The following DPYSL2 variants were observed in gnomAD, a reference collection of about 807,000 sequenced individuals.
DPYSL2 encodes the protein dihydropyrimidinase like 2.
In DPYSL2, 13 loss-of-function variants were observed where a neutral mutation model predicts 69.9. The observed-to-expected ratio is 0.19, with a 90% CI of 0.12 to 0.30. The LOEUF is 0.30. Among genes scored for constraint, DPYSL2 ranks in the 10% least tolerant of loss-of-function variants. The probability of loss-of-function intolerance (pLI) is 1.00; values close to 1 mark genes in which losing one functional copy is unlikely to be tolerated. For missense variants in DPYSL2, 587 were observed against 918.9 expected (o/e 0.64, Z 4.67); for synonymous variants, 326 against 359.1 (o/e 0.91, Z 1.04).
At chr8:26,574,812 T>C (rs2129701169) in intron 1 of DPYSL2, among the ~76,000 whole-genome samples, 1 of 152,338 alleles carries the variant, frequency 6.6e-6, no homozygotes, top group East Asian at 1.9e-4. Context: ...GGCACGATCA[T>C]GGCTTATTAC....
chr8:26,633,013 T>G (rs1802814917), intron 7 of DPYSL2, among the ~76,000 whole-genome samples: 1 of 152,258 alleles, frequency 6.6e-6, no homozygotes, highest in Admixed American at 6.5e-5. Context: ...TTACAGAATT[T>G]AATCTTTTGG....
At chr8:26,625,874 A>G (rs1057112523) in intron 4 of DPYSL2, among the ~76,000 whole-genome samples, 28 of 152,182 alleles carry the variant, frequency 1.8e-4, no homozygotes, top group Non-Finnish European at 2.5e-4. Context: ...GTGTGTGTGC[A>G]GTTCATTGTT....
At position 26,655,644 on chromosome 8, in the gene DPYSL2, C is replaced by T. The variant is rs1803368666; in HGVS notation, c.1972C>T (p.Arg658Cys). The T allele has an allele frequency of 2.5e-6, 4 of 1,610,764 alleles. No homozygotes were observed. The highest frequency in any genetic ancestry group is 1.3e-5 in the African/African-American group (1 of 74,914). ...TCAGATTGATGACAACATTCCCCGCCGCACCACCCAGCGTATCGTGGCGCC... is the reference window on the plus strand; with the variant it reads ...TCAGATTGATGACAACATTCCCCGCTGCACCACCCAGCGTATCGTGGCGCC... ...GAQIDDNIPR[R>C]TTQRIVAPPG... Residue 658 changes from arginine (R) to cysteine (C), a missense_variant, in exon 14 of 14, where the codon CGC (arginine) becomes TGC (cysteine). Transcript: ENST00000521913.
chr8:26,535,710 ATGAGC>A (rs1435612583), intron 1 of DPYSL2, among the ~76,000 whole-genome samples: 4 of 151,920 alleles, frequency 2.6e-5, no homozygotes, highest in Non-Finnish European at 5.9e-5. Flanking sequence ...ATCTACTTAG[ATGAGC>A]TGGTCAAGAT....
At chr8:26,589,544 G>A (rs62491911) in intron 3 of DPYSL2, among the ~76,000 whole-genome samples, 38 of 152,340 alleles carry the variant, frequency 2.5e-4, no homozygotes, top group Middle Eastern at 3.4e-3. Context: ...CACAAGGAGG[G>A]AGGAGGGTTT....
chr8:26,557,199 G>GACTTCAAAAGTAAAAAAACTTTT (rs1801002664), intron 1 of DPYSL2, among the ~76,000 whole-genome samples: 1 of 150,948 alleles, frequency 6.6e-6, no homozygotes. Flanking sequence ...TGATAAGCTG[G>GACTTCAAAAGTAAAAAAACTTTT]ACTTCAAAAG....
At chr8:26,600,255 G>T (rs918287340) in intron 3 of DPYSL2, among the ~76,000 whole-genome samples, 1 of 152,136 alleles carries the variant, frequency 6.6e-6, no homozygotes, top group South Asian at 2.1e-4. Flanking sequence ...TGTGTTTTCT[G>T]TTCTCTTGGG....
intron 1 of DPYSL2, among the ~76,000 whole-genome samples, chr8:26,530,186 A>C (rs1800483933): frequency 6.6e-6 from 1 of 151,746 alleles, no homozygotes; most frequent in African/African-American, 2.4e-5. Context: ...AACAACTATC[A>C]TCTACAACTC....
At chr8:26,553,898 C>CTT (rs35594312) in intron 1 of DPYSL2, among the ~76,000 whole-genome samples, 5,339 of 116,986 alleles carry the variant, frequency 0.046, 452 homozygotes, top group African/African-American at 0.14. Flanking sequence ...TATTTTTGGG[C>CTT]TTTTTTTTTT....
chr8:26,583,016 A>T (rs1189472453), intron 2 of DPYSL2, among the ~76,000 whole-genome samples: 1 of 152,204 alleles, frequency 6.6e-6, no homozygotes, highest in Non-Finnish European at 1.5e-5. Context: ...TTTTCCCCCA[A>T]TTATAAGATG....
intron 1 of DPYSL2, among the ~76,000 whole-genome samples, chr8:26,561,866 G>C (rs779178626): frequency 5.3e-5 from 8 of 152,150 alleles, no homozygotes; most frequent in African/African-American, 1.9e-4. Context: ...TGGCTCACTT[G>C]CTGCTCACCT....
At chr8:26,577,894 G>T in intron 1 of DPYSL2, 1 of 1,140,950 alleles carries the variant, frequency 8.8e-7, no homozygotes, top group Non-Finnish European at 1.1e-6. Flanking sequence ...AGAGGAAAGG[G>T]AGTGGCTGGC....
chr8:26,559,577 A>G (rs970376510), intron 1 of DPYSL2, among the ~76,000 whole-genome samples: 1 of 152,020 alleles, frequency 6.6e-6, no homozygotes, highest in Non-Finnish European at 1.5e-5. Context: ...TTGAGCATTT[A>G]ATTTCTTTTT....
At position 26,556,205 on chromosome 8, in the gene DPYSL2, A is replaced by ATATAG. The variant is rs1563385095; in HGVS notation, c.355-25760_355-25759insGTATA. 8.7e-4 allele frequency among the ~76,000 whole-genome samples: 8 copies of ATATAG among 9,160 alleles called. 2 individuals are homozygous for ATATAG. Among genetic ancestry groups the ATATAG allele is most frequent in the Non-Finnish European group, 1.5e-3 (5 of 3,308 alleles). The allele number at this position is 9,160 out of a possible 152,430, so 6.0% of individuals were successfully genotyped here. On this transcript the variant is annotated intron_variant, in intron 1 of 13. Transcript: ENST00000521913. ...ATACTATATATATTATATATACTAT[A>ATATAG]TATATACTATATATAGTATATATAG... is the stretch of plus-strand genomic sequence containing the variant.
chr8:26,630,209 C>T (rs979877611), intron 7 of DPYSL2, among the ~76,000 whole-genome samples: 20 of 152,372 alleles, frequency 1.3e-4, no homozygotes, highest in Admixed American at 3.9e-4. Context: ...CACCATCCCC[C>T]TTTGCAGACA....
intron 3 of DPYSL2, among the ~76,000 whole-genome samples, chr8:26,612,590 G>A (rs781417667): frequency 6.6e-6 from 1 of 152,192 alleles, no homozygotes; most frequent in South Asian, 2.1e-4. Context: ...GGTGGCTCAC[G>A]CCTGTAATCC....
rs115495580 is a variant in DPYSL2, at chr8:26,550,138, A to C, written c.355-31831A>C. On this transcript the variant is annotated intron_variant, in intron 1 of 13. Transcript: ENST00000521913. Reference sequence around the variant, plus strand: ...TGGGTAAATTAAATAAGGAAAAGTAACATTACAAGGGATGGGAGCATTGGG... The same window carrying C: ...TGGGTAAATTAAATAAGGAAAAGTACCATTACAAGGGATGGGAGCATTGGG... Among the ~76,000 whole-genome samples, 419 of 152,344 alleles carry C rather than the reference A, an allele frequency of 2.8e-3. 3 individuals carry two copies. The highest frequency in any genetic ancestry group is 9.7e-3 in the African/African-American group (404 of 41,586).
At chr8:26,569,354 C>CA (rs771471331) in intron 1 of DPYSL2, among the ~76,000 whole-genome samples, 1,565 of 52,012 alleles carry the variant, frequency 0.03, 65 homozygotes, top group African/African-American at 0.079. Context: ...ACCCTATCTC[C>CA]AAAAAAAAAA....
chr8:26,632,181 G>A (rs1802791220), intron 7 of DPYSL2, among the ~76,000 whole-genome samples: 1 of 152,220 alleles, frequency 6.6e-6, no homozygotes, highest in South Asian at 2.1e-4. Flanking sequence ...ACACTAGGGA[G>A]TGCAGACATC....
Sources: allele counts gnomAD v4.1 joint callset (sites outside exome capture counted in the v4.1 genomes callset), GRCh38; gene constraint gnomAD v4.1.1; transcripts MANE v1.5; gene names NCBI Gene and HGNC (gene_info 2026-07-23, HGNC 2026-07-21).